ASPH: variants seen among roughly 807,000 people sequenced by gnomAD.
ASPH encodes aspartyl/asparaginyl beta-hydroxylase.
ASPH carries 100 observed loss-of-function variants against 118.4 expected under a neutral mutation model. That is an observed-to-expected ratio of 0.84 (90% CI 0.72 to 1.00). The LOEUF (loss-of-function observed/expected upper bound fraction) is 1.00. Ranked by LOEUF, ASPH falls within the 50% of genes least tolerant of loss-of-function variation. The probability of loss-of-function intolerance (pLI) is 0.00; values close to 1 mark genes in which losing one functional copy is unlikely to be tolerated. For synonymous variants in ASPH, 315 were observed against 325.6 expected (o/e 0.97, Z 0.35); for missense variants, 920 against 919.5 (o/e 1.00, Z -0.01).
intron 24 of ASPH, 169 bp downstream of exon 24, chr8:61,517,359 T>G: frequency 2.1e-6 from 2 of 957,864 alleles, no homozygotes; most frequent in Non-Finnish European, 3.0e-6. Flanking sequence ...TCCAGGCTAA[T>G]AGAAAGCACC....
At chr8:61,684,331 C>T (rs926609228) in intron 1 of ASPH, 143 bp from the exon 2 acceptor site, 1 of 834,428 alleles carries the variant, frequency 1.2e-6, no homozygotes, top group African/African-American at 1.7e-5. Context: ...TCTCAAAACA[C>T]GTCACACAAA....
intron 12 of ASPH, among the ~76,000 whole-genome samples, chr8:61,637,133 A>G (rs1381006162): frequency 6.6e-6 from 1 of 152,168 alleles, no homozygotes; most frequent in Non-Finnish European, 1.5e-5. Context: ...AGTAATTGTA[A>G]GAGCAAAATT....
rs111933907 is a variant in ASPH, at chr8:61,621,002, C to T, written c.935-1983G>A. Among the ~76,000 whole-genome samples the T allele has an allele frequency of 3.2e-3, 490 of 152,306 alleles. 2 individuals carry two copies. The highest frequency in any genetic ancestry group is 0.011 in the African/African-American group (454 of 41,568). On this transcript the variant is annotated intron_variant, in intron 13 of 24. Transcript: ENST00000379454. ...GGCCCTGGCCGGGTCTCCTCATGTC[C>T]TTTAGACTCACGTCCTCCCAGGAAC...
chr8:61,530,551 TG>T (rs1206727053), intron 21 of ASPH, among the ~76,000 whole-genome samples: 1 of 152,082 alleles, frequency 6.6e-6, no homozygotes, highest in Admixed American at 6.5e-5. Flanking sequence ...TCATGCCACC[TG>T]GATGCTGTAC....
intron 15 of ASPH, chr8:61,579,589 C>T (rs1196919408): frequency 8.5e-6 from 13 of 1,522,584 alleles, no homozygotes; most frequent in Non-Finnish European, 1.2e-5. Flanking sequence ...CGCACCAGTT[C>T]CTCCAGGGCC....
At chr8:61,644,511 A>T (rs1240635077) in intron 7 of ASPH, 89 bp downstream of exon 7, 3 of 836,972 alleles carry the variant, frequency 3.6e-6, no homozygotes. Context: ...ATTTAAATAT[A>T]TCATTAATAA....
chr8:61,653,094 T>G (rs745632597), intron 4 of ASPH, among the ~76,000 whole-genome samples: 6 of 152,210 alleles, frequency 3.9e-5, no homozygotes, highest in Non-Finnish European at 7.3e-5. Context: ...TATGAACCCA[T>G]GTGGACACAA....
chr8:61,629,518 A>C (rs1854580617), intron 13 of ASPH, among the ~76,000 whole-genome samples: 1 of 152,220 alleles, frequency 6.6e-6, no homozygotes, highest in African/African-American at 2.4e-5. Context: ...TCTAATATCC[A>C]AAGTGATTGG....
chr8:61,711,561 C>G (rs1442838600), intron 1 of ASPH, among the ~76,000 whole-genome samples: 1 of 151,958 alleles, frequency 6.6e-6, no homozygotes, highest in Non-Finnish European at 1.5e-5. Context: ...AAAGCAGACA[C>G]TTGCTTTAAA....
At chr8:61,677,409 G>T (rs1825921289) in intron 3 of ASPH, among the ~76,000 whole-genome samples, 1 of 152,052 alleles carries the variant, frequency 6.6e-6, no homozygotes, top group South Asian at 2.1e-4. Context: ...CATGACCACT[G>T]AGCTTTTCTG....
chr8:61,651,610 A>T lies in ASPH; in HGVS notation c.416-486T>A, dbSNP rs116700901. Reference sequence around the variant, plus strand: ...AAAGGGCACTCCTGCAGGTGAGAGGACTGAATACTCAGAGGTAGCCGACTG... The same window carrying T: ...AAAGGGCACTCCTGCAGGTGAGAGGTCTGAATACTCAGAGGTAGCCGACTG... On this transcript the variant is annotated intron_variant, in intron 4 of 24. Transcript: ENST00000379454. Among the ~76,000 whole-genome samples, 4 of 152,342 alleles carry T rather than the reference A, an allele frequency of 2.6e-5. No individual in the cohort carries two copies. The South Asian group carries it at 8.3e-4, about 32-fold the overall frequency.
chr8:61,713,699 T>C (rs1002489695), intron 1 of ASPH, among the ~76,000 whole-genome samples: 22 of 152,368 alleles, frequency 1.4e-4, no homozygotes, highest in African/African-American at 5.0e-4. Context: ...TGACATTCTA[T>C]TTTAAAGGCA....
chr8:61,593,197 G>C (rs567960371), intron 14 of ASPH, among the ~76,000 whole-genome samples: 1 of 151,914 alleles, frequency 6.6e-6, no homozygotes, highest in East Asian at 1.9e-4. Context: ...AGGTGCTTCT[G>C]GCAGGAGCCT....
intron 6 of ASPH, among the ~76,000 whole-genome samples, chr8:61,645,948 G>A (rs960173648): frequency 6.6e-6 from 1 of 152,230 alleles, no homozygotes; most frequent in Non-Finnish European, 1.5e-5. Flanking sequence ...ACTTTGGAAA[G>A]CTGAGGCAGG....
At chr8:61,574,837 A>T (rs1834597945) in intron 16 of ASPH, among the ~76,000 whole-genome samples, 1 of 152,206 alleles carries the variant, frequency 6.6e-6, no homozygotes. Flanking sequence ...CAGAACTTAA[A>T]GTATAAAAAC....
At chr8:61,541,321 G>A (rs1044273094) in intron 21 of ASPH, among the ~76,000 whole-genome samples, 3 of 152,060 alleles carry the variant, frequency 2.0e-5, no homozygotes, top group African/African-American at 7.3e-5. Context: ...CTGAGATTGC[G>A]CCACTGCACT....
intron 19 of ASPH, among the ~76,000 whole-genome samples, chr8:61,554,121 G>C (rs1206881279): frequency 6.6e-6 from 1 of 152,184 alleles, no homozygotes; most frequent in Non-Finnish European, 1.5e-5. Context: ...CTATGTCAAA[G>C]GAAATGTAAG....
chr8:61,564,065 C>T (rs865951052), intron 17 of ASPH, among the ~76,000 whole-genome samples: 4 of 152,040 alleles, frequency 2.6e-5, no homozygotes, highest in Non-Finnish European at 5.9e-5. Flanking sequence ...TTCCCAGGGC[C>T]GAGGACAGGG....
chr8:61,521,331 A>G (rs556709098), intron 22 of ASPH, among the ~76,000 whole-genome samples: 1 of 152,358 alleles, frequency 6.6e-6, no homozygotes, highest in South Asian at 2.1e-4. Context: ...CCATAAAAAT[A>G]TAATATTACT....
Sources: allele counts gnomAD v4.1 joint callset (sites outside exome capture counted in the v4.1 genomes callset), GRCh38; gene constraint gnomAD v4.1.1; transcripts MANE v1.5; gene names NCBI Gene and HGNC (gene_info 2026-07-23, HGNC 2026-07-21).